Variants in PDE1A observed in about 807,000 individuals in gnomAD.
PDE1A encodes the protein dual specificity calcium/calmodulin-dependent 3',5'-cyclic nucleotide phosphodiesterase 1A.
A neutral mutation model predicts 61.7 loss-of-function variants in PDE1A; 35 were observed. The observed-to-expected ratio is 0.57, with a 90% CI of 0.43 to 0.75. The LOEUF is 0.75. Among genes scored for constraint, PDE1A ranks in the 30% least tolerant of loss-of-function variants. The probability of loss-of-function intolerance (pLI) is 0.00; values close to 1 mark genes in which losing one functional copy is unlikely to be tolerated. For missense variants in PDE1A, 597 were observed against 630.6 expected (o/e 0.95, Z 0.57); for synonymous variants, 232 against 213.2 (o/e 1.09, Z -0.77).
At chr2:182,568,211 A>C in the PDE1A span, among the ~76,000 whole-genome samples, 3 of 152,080 alleles carry the variant, frequency 2.0e-5, no homozygotes, top group African/African-American at 7.2e-5. Flanking sequence ...TTTGGTTTTT[A>C]ATCTGTTCTT....
intron 2 of PDE1A, among the ~76,000 whole-genome samples, chr2:182,241,628 C>A (rs1014371771): frequency 6.6e-6 from 1 of 152,150 alleles, no homozygotes; most frequent in African/African-American, 2.4e-5. Context: ...TTCCTATAAA[C>A]CTGCAGAAAA....
chr2:182,478,217 T>C (rs775196169), intron 2 of PDE1A, among the ~76,000 whole-genome samples: 25 of 151,940 alleles, frequency 1.6e-4, no homozygotes, highest in Non-Finnish European at 1.8e-4. Context: ...TGTGTCTCGA[T>C]ACTTGCTATA....
intron 2 of PDE1A, 25 bp from the exon 3 acceptor site, chr2:182,240,317 C>CT (rs1476219782): frequency 4.9e-6 from 7 of 1,434,716 alleles, no homozygotes; most frequent in Non-Finnish European, 6.5e-6. Context: ...ACAGATTAAA[C>CT]TTTTTTATAA....
chr2:182,449,086 A>AC (rs765515746), intron 2 of PDE1A, among the ~76,000 whole-genome samples: 55,737 of 148,272 alleles, frequency 0.38, 11,296 homozygotes, highest in East Asian at 0.65. Flanking sequence ...ACACACACAC[A>AC]AACAAAACCC....
intron 3 of PDE1A, 58 bp from the exon 4 acceptor site, chr2:182,234,556 A>G: frequency 9.3e-7 from 1 of 1,076,132 alleles, no homozygotes; most frequent in Non-Finnish European, 1.4e-6. Flanking sequence ...GTTTTCAACT[A>G]TTTCTTAAAT....
chr2:182,595,474 T>A, the PDE1A span, among the ~76,000 whole-genome samples: 331 of 152,344 alleles, frequency 2.2e-3, 2 homozygotes, highest in African/African-American at 7.0e-3. Flanking sequence ...ACACGTCACA[T>A]TAACTGTGTT....
chr2:182,317,383 C>T (rs1696404166), intron 1 of PDE1A, among the ~76,000 whole-genome samples: 1 of 152,022 alleles, frequency 6.6e-6, no homozygotes, highest in South Asian at 2.1e-4. Context: ...ACAGCCATTA[C>T]ATTAACAAAT....
At chr2:182,703,838 G>A in the PDE1A span, among the ~76,000 whole-genome samples, 128 of 152,162 alleles carry the variant, frequency 8.4e-4, no homozygotes, top group African/African-American at 3.0e-3. Flanking sequence ...CATAAATAAG[G>A]TTCCAGCTCT....
chr2:182,641,892 G>A, the PDE1A span, among the ~76,000 whole-genome samples: 2 of 152,066 alleles, frequency 1.3e-5, no homozygotes, highest in Admixed American at 1.3e-4. Context: ...TTGTCGAAAG[G>A]TGCATCCAAG....
At chr2:182,544,172 G>A in the PDE1A span, among the ~76,000 whole-genome samples, 2 of 152,150 alleles carry the variant, frequency 1.3e-5, no homozygotes, top group South Asian at 4.1e-4. Context: ...GAGGTTAAGA[G>A]GTGACCAAGC....
the PDE1A span, among the ~76,000 whole-genome samples, chr2:182,700,862 A>G: frequency 6.6e-6 from 1 of 151,808 alleles, no homozygotes; most frequent in Admixed American, 6.6e-5. Flanking sequence ...GGTTGCAAGG[A>G]GCTGAGACCA....
intron 1 of PDE1A, among the ~76,000 whole-genome samples, chr2:182,273,380 T>G (rs1693172608): frequency 6.6e-6 from 1 of 151,872 alleles, no homozygotes; most frequent in South Asian, 2.1e-4. Context: ...GTATGAAGCA[T>G]CCAAAGTTGA....
chr2:182,695,027 G>A, the PDE1A span, among the ~76,000 whole-genome samples: 1 of 151,874 alleles, frequency 6.6e-6, no homozygotes, highest in Non-Finnish European at 1.5e-5. Context: ...ATTCAGAAAA[G>A]CATTTAGATT....
the PDE1A span, among the ~76,000 whole-genome samples, chr2:182,585,821 T>A: frequency 2.0e-5 from 3 of 152,230 alleles, no homozygotes; most frequent in Non-Finnish European, 4.4e-5. Context: ...CAGTTAAATA[T>A]CATCTGTCCT....
intron 1 of PDE1A, among the ~76,000 whole-genome samples, chr2:182,418,658 A>T (rs1703075556): frequency 6.6e-6 from 1 of 151,382 alleles, no homozygotes; most frequent in South Asian, 2.1e-4. Flanking sequence ...AACTGATCCA[A>T]ATGCAAATGC....
At chr2:182,412,192 T>A (rs1213932838) in intron 1 of PDE1A, among the ~76,000 whole-genome samples, 1 of 152,190 alleles carries the variant, frequency 6.6e-6, no homozygotes, top group African/African-American at 2.4e-5. Flanking sequence ...TATAAATGTA[T>A]TGCACTGTGG....
chr2:182,157,222 C>T (rs1053118772), intron 13 of PDE1A, among the ~76,000 whole-genome samples: 1 of 151,836 alleles, frequency 6.6e-6, no homozygotes, highest in African/African-American at 2.4e-5. Context: ...ACCATGTTGG[C>T]CAGGCTGGTC....
chr2:182,182,679 T>C (rs1684870136), intron 13 of PDE1A, among the ~76,000 whole-genome samples: 1 of 152,058 alleles, frequency 6.6e-6, no homozygotes, highest in Non-Finnish European at 1.5e-5. Flanking sequence ...TTGCCTACAT[T>C]ATTCCCACTT....
intron 2 of PDE1A, among the ~76,000 whole-genome samples, chr2:182,244,708 T>C (rs1690819796): frequency 6.6e-6 from 1 of 152,220 alleles, no homozygotes; most frequent in African/African-American, 2.4e-5. Flanking sequence ...ACCTTTGTTC[T>C]TGTGGTATTT....
Sources: allele counts gnomAD v4.1 joint callset (sites outside exome capture counted in the v4.1 genomes callset), GRCh38; gene constraint gnomAD v4.1.1; transcripts MANE v1.5; gene names NCBI Gene and HGNC (gene_info 2026-07-23, HGNC 2026-07-21).